The following PRKN variants were observed in gnomAD, a reference collection of about 807,000 sequenced individuals.
PRKN encodes the protein E3 ubiquitin-protein ligase parkin.
Under a neutral mutation model 59.5 loss-of-function variants are expected in PRKN, and 56 were observed. The observed-to-expected ratio is 0.94, with a 90% CI of 0.76 to 1.18. The LOEUF is 1.18. PRKN is among the 50% of genes most tolerant of loss of function. PRKN has a pLI of 0.00. For synonymous variants in PRKN, 250 were observed against 222.1 expected (o/e 1.13, Z -1.12); for missense variants, 657 against 596.4 (o/e 1.10, Z -1.06).
chr6:162,413,844 G>C (rs186213024), intron 2 of PRKN, among the ~76,000 whole-genome samples: 5 of 152,270 alleles, frequency 3.3e-5, no homozygotes, highest in Non-Finnish European at 7.4e-5. Context: ...CACAGACACA[G>C]GCAGGCTGCT....
At chr6:162,297,037 G>C (rs1387348686) in intron 2 of PRKN, among the ~76,000 whole-genome samples, 1 of 152,122 alleles carries the variant, frequency 6.6e-6, no homozygotes, top group African/African-American at 2.4e-5. Context: ...TTAACTGCTG[G>C]AATGGTTAAC....
At chr6:162,333,773 G>A (rs1783704620) in intron 2 of PRKN, among the ~76,000 whole-genome samples, 1 of 152,140 alleles carries the variant, frequency 6.6e-6, no homozygotes, top group Non-Finnish European at 1.5e-5. Context: ...ATCAAAGCTA[G>A]AAATGATAAA....
At chr6:162,337,843 A>T (rs1783916499) in intron 2 of PRKN, among the ~76,000 whole-genome samples, 1 of 152,214 alleles carries the variant, frequency 6.6e-6, no homozygotes, top group Non-Finnish European at 1.5e-5. Flanking sequence ...ATGGAATGGG[A>T]TTATAGGATA....
At chr6:161,524,510 T>C (rs528110890) in intron 9 of PRKN, among the ~76,000 whole-genome samples, 1 of 152,140 alleles carries the variant, frequency 6.6e-6, no homozygotes, top group African/African-American at 2.4e-5. Flanking sequence ...TGTGCTCAGC[T>C]AATTTTTTTT....
rs1790498942 is a variant in PRKN, at chr6:161,466,800, G to C, written c.1084-79923C>G. On this transcript the variant is annotated intron_variant, in intron 9 of 11. Transcript: ENST00000366898. This position sits in a 1 kb window ranked among gnomAD's most constrained non-coding sequence, Gnocchi z 5.0. ...AAAGCTGTCAAGTAGAGCCCAAAAA[G>C]AGTGGAATCTCAGGGTTCTCTTGGC... 6.6e-6 allele frequency among the ~76,000 whole-genome samples: 1 copy of C among 152,210 alleles called. No individual in the cohort carries two copies. The highest frequency in any genetic ancestry group is 1.5e-5 in the Non-Finnish European group (1 of 68,040).
At chr6:162,145,904 A>C (rs1782006037) in intron 4 of PRKN, among the ~76,000 whole-genome samples, 1 of 152,226 alleles carries the variant, frequency 6.6e-6, no homozygotes, top group Non-Finnish European at 1.5e-5. Context: ...CTTGGCCTGT[A>C]ATCAGTCTGA....
intron 4 of PRKN, among the ~76,000 whole-genome samples, chr6:162,129,776 A>T (rs1260981182): frequency 1.3e-5 from 2 of 152,208 alleles, no homozygotes; most frequent in African/African-American, 4.8e-5. Flanking sequence ...ATTTGAAATG[A>T]TATATAATGG....
intron 5 of PRKN, among the ~76,000 whole-genome samples, chr6:162,044,468 A>G (rs956198017): frequency 2.6e-5 from 4 of 152,132 alleles, no homozygotes; most frequent in Non-Finnish European, 5.9e-5. Flanking sequence ...ATTTCAGCTC[A>G]ACGTCTAATT....
rs888574449 is a variant in PRKN at position 161,503,707 on chromosome 6, G to A, written c.1083+45147C>T. On this transcript the variant is annotated intron_variant, in intron 9 of 11. Coordinates refer to ENST00000366898, the MANE Select transcript of PRKN (RefSeq NM_004562.3). This position sits in a 1 kb window ranked among gnomAD's most constrained non-coding sequence, Gnocchi z 5.1. ...TGAAGGTCACAACCAGAAGCAGTCC[G>A]GCCTGCAGTTGCTGTTTTAAAAAAG... Among the ~76,000 whole-genome samples the A allele has an allele frequency of 1.3e-5, 2 of 152,148 alleles. No homozygotes were observed. The highest frequency in any genetic ancestry group is 6.5e-5 in the Admixed American group (1 of 15,284).
At chr6:161,704,988 G>C (rs1047165002) in intron 7 of PRKN, among the ~76,000 whole-genome samples, 4 of 152,222 alleles carry the variant, frequency 2.6e-5, no homozygotes, top group Non-Finnish European at 5.9e-5. Flanking sequence ...TTGGGGTTGA[G>C]AATAGGCACT....
intron 9 of PRKN, among the ~76,000 whole-genome samples, chr6:161,479,271 AC>A (rs1791273441): frequency 6.6e-6 from 1 of 152,200 alleles, no homozygotes; most frequent in Non-Finnish European, 1.5e-5. Flanking sequence ...TTCATAAAAC[AC>A]TATCTACGCA....
At chr6:162,250,189 G>A (rs933599604) in intron 3 of PRKN, among the ~76,000 whole-genome samples, 1 of 94,294 alleles carries the variant, frequency 1.1e-5, no homozygotes, top group Non-Finnish European at 2.1e-5. Flanking sequence ...ATTTATAAGG[G>A]GGGGGGCAGG....
chr6:162,498,351 G>C (rs926564718), intron 1 of PRKN, among the ~76,000 whole-genome samples: 1 of 128,972 alleles, frequency 7.8e-6, no homozygotes, highest in Non-Finnish European at 1.6e-5. Context: ...TCTAGTCTAC[G>C]TAACTATCTC....
At chr6:161,366,893 T>G (rs1280744437) in intron 10 of PRKN, among the ~76,000 whole-genome samples, 1 of 152,100 alleles carries the variant, frequency 6.6e-6, no homozygotes, top group Admixed American at 6.5e-5. Context: ...GGCTACCCAA[T>G]TTACGAATCG....
intron 9 of PRKN, among the ~76,000 whole-genome samples, chr6:161,489,495 G>A (rs1355070017): frequency 6.6e-6 from 1 of 152,152 alleles, no homozygotes; most frequent in African/African-American, 2.4e-5. Flanking sequence ...GGAGGGCAGA[G>A]GTTGCAGTGA....
intron 2 of PRKN, among the ~76,000 whole-genome samples, chr6:162,437,646 G>A (rs536509249): frequency 3.9e-5 from 6 of 152,148 alleles, no homozygotes; most frequent in African/African-American, 7.2e-5. Flanking sequence ...TCATTTTGTC[G>A]TTTTGAGAAT....
chr6:161,714,099 A>G (rs1007885404), intron 7 of PRKN, among the ~76,000 whole-genome samples: 8 of 152,294 alleles, frequency 5.3e-5, no homozygotes, highest in African/African-American at 1.9e-4. Flanking sequence ...AGAACGACGG[A>G]TACACACGGT....
At chr6:161,619,508 G>T (rs1582899939) in intron 7 of PRKN, among the ~76,000 whole-genome samples, 2 of 151,652 alleles carry the variant, frequency 1.3e-5, no homozygotes, top group South Asian at 4.2e-4. Flanking sequence ...ACATTTACAG[G>T]GTTCTTACTT....
intron 7 of PRKN, among the ~76,000 whole-genome samples, chr6:161,625,573 C>G (rs747143812): frequency 4.6e-5 from 7 of 152,048 alleles, no homozygotes; most frequent in Non-Finnish European, 8.8e-5. Flanking sequence ...TTTAAAAAAT[C>G]AATAAAAAAT....
Sources: gnomAD v4.1 joint callset for allele counts (sites outside exome capture counted in the v4.1 genomes callset) on GRCh38, gnomAD v4.1.1 for gene constraint, Gnocchi (gnomAD v3.1) non-coding constraint, MANE v1.5 for transcripts, NCBI Gene and HGNC (gene_info 2026-07-23, HGNC 2026-07-21) for gene names.